The following SYNE2 variants were observed in gnomAD, a reference collection of about 807,000 sequenced individuals.
SYNE2 encodes spectrin repeat containing nuclear envelope protein 2, also known as nesprin-2.
Under a neutral mutation model 856.3 loss-of-function variants are expected in SYNE2, and 431 were observed. The ratio of observed to expected loss-of-function variants is 0.50; its 90% CI spans 0.47 to 0.55. The LOEUF (loss-of-function observed/expected upper bound fraction) is 0.55. Among genes scored for constraint, SYNE2 ranks in the 20% least tolerant of loss-of-function variants. The pLI is 0.00. For missense variants in SYNE2, 8,129 were observed against 8,023.2 expected, an observed-to-expected ratio of 1.01 and a Z score of -0.50; for synonymous variants, 2,923 against 2,872.3, an observed-to-expected ratio of 1.02 and a Z score of -0.56.
chr14:63,944,824 CTTTTTTTTTTTTTTT>C (rs55906748), intron 6 of SYNE2, among the ~76,000 whole-genome samples: 1 of 46,932 alleles, frequency 2.1e-5, no homozygotes, highest in Non-Finnish European at 3.6e-5. Context: ...GGGCTTAAAG[CTTTTTTTTTTTTTTT>C]TTTTTTTTTT....
Position 64,016,373 on chromosome 14 carries a change from G to C in SYNE2, c.4729-100G>C, listed in dbSNP as rs1176805788. ...ATGTAAGAAGGTATTATGCTTTGTT[G>C]GGTATTGTTTTTAAGCTCAATATCC... On this transcript the variant is annotated intron_variant, in intron 32 of 115. Transcript: ENST00000555002. 3 of 751,404 alleles carry C rather than the reference G, an allele frequency of 4.0e-6. No individual in the cohort carries two copies. In the East Asian group the frequency reaches 8.3e-5, roughly 21 times the overall value. 46.5% of individuals were successfully genotyped at this position (751,404 alleles called of 1,614,324 possible).
At chr14:64,215,177 T>C (rs2098660221) in intron 106 of SYNE2, 109 bp from the exon 107 acceptor site, 6 of 1,032,908 alleles carry the variant, frequency 5.8e-6, no homozygotes, top group Non-Finnish European at 9.1e-6. Flanking sequence ...ATTAAAAAAA[T>C]AAAGGGTAGT....
At chr14:63,793,896 G>T (rs906777475) in intron 1 of SYNE2, among the ~76,000 whole-genome samples, 3 of 151,626 alleles carry the variant, frequency 2.0e-5, no homozygotes, top group Non-Finnish European at 4.4e-5. Context: ...CCATGATCAT[G>T]CCACTGCACT....
rs944787012 is a variant in SYNE2, at chr14:63,954,821, G to C, written c.693G>C (p.Lys231Asn). Residue 231 changes from lysine (K) to asparagine (N), a missense_variant, in exon 8 of 116, where the codon AAG becomes AAC. This residue lies in a region of SYNE2 where 2,422 missense variants were observed against 2,357.4 expected (regional missense o/e 1.03). Coordinates refer to ENST00000555002, the MANE Select transcript of SYNE2 (RefSeq NM_182914.3). ...TGCGACCAGACCTAATTGACATGAAGAGTGTGAAGCATAGATCCAACAAAG... is the reference window on the plus strand; with the variant it reads ...TGCGACCAGACCTAATTGACATGAACAGTGTGAAGCATAGATCCAACAAAG... ...HALRPDLIDM[K>N]SVKHRSNKDN... 2.5e-6 allele frequency: 4 copies of C among 1,614,076 alleles called. No individual in the cohort carries two copies. Among genetic ancestry groups the C allele is most frequent in the Non-Finnish European group, 3.4e-6 (4 of 1,179,946 alleles).
chr14:63,998,531 TTTTG>T (rs1205564611), intron 26 of SYNE2, among the ~76,000 whole-genome samples: 4 of 152,230 alleles, frequency 2.6e-5, no homozygotes, highest in Non-Finnish European at 5.9e-5. Flanking sequence ...TTTCTTATTT[TTTTG>T]TTTGTTTTTT....
At chr14:63,973,982 C>G (rs1860946590) in intron 11 of SYNE2, among the ~76,000 whole-genome samples, 1 of 152,172 alleles carries the variant, frequency 6.6e-6, no homozygotes, top group Non-Finnish European at 1.5e-5. Flanking sequence ...GCAATCCCAG[C>G]AGTTTGGGAG....
At chr14:63,885,335 C>CTT (rs1455197725) in intron 1 of SYNE2, among the ~76,000 whole-genome samples, 3 of 151,652 alleles carry the variant, frequency 2.0e-5, no homozygotes, top group African/African-American at 7.3e-5. Flanking sequence ...CTCACTGTCT[C>CTT]TCTGTGAAGT....
At chr14:64,083,117 G>A (rs1420165964) in intron 57 of SYNE2, among the ~76,000 whole-genome samples, 2 of 152,128 alleles carry the variant, frequency 1.3e-5, no homozygotes, top group Non-Finnish European at 2.9e-5. Flanking sequence ...GTGTTCCTAA[G>A]TGAGCTGCTG....
At chr14:63,866,253 G>A (rs754011203) in intron 1 of SYNE2, among the ~76,000 whole-genome samples, 44 of 152,190 alleles carry the variant, frequency 2.9e-4, no homozygotes, top group Non-Finnish European at 5.9e-4. Context: ...AGGAACTTGA[G>A]ATGTCAGACT....
chr14:64,111,999 T>G (rs890055828), intron 65 of SYNE2, among the ~76,000 whole-genome samples: 1 of 152,130 alleles, frequency 6.6e-6, no homozygotes, highest in African/African-American at 2.4e-5. Flanking sequence ...AAACAGCACA[T>G]GTATGTGAAG....
intron 45 of SYNE2, among the ~76,000 whole-genome samples, chr14:64,045,980 T>C (rs983185805): frequency 6.6e-6 from 1 of 152,178 alleles, no homozygotes; most frequent in Non-Finnish European, 1.5e-5. Context: ...AATTTCTACC[T>C]TGTTGGGGAT....
chr14:64,221,433 G>A lies in SYNE2; in HGVS notation c.20062-143G>A, dbSNP rs1477466794. On this transcript the variant is annotated intron_variant, in intron 111 of 115. Transcript: ENST00000555002. ...CCTCATTTTGGGGCCCTGGCATTTA[G>A]TTTAAAGCTGGTCCTCGTATTCAGT... 1.1e-5 allele frequency: 17 copies of A among 1,497,136 alleles called. No individual in the cohort carries two copies. In the East Asian group the frequency reaches 3.4e-4, roughly 30 times the overall value. 92.7% of individuals were successfully genotyped at this position (1,497,136 alleles called of 1,614,324 possible).
chr14:64,114,290 A>G (rs1180412801), intron 66 of SYNE2, among the ~76,000 whole-genome samples: 1 of 152,188 alleles, frequency 6.6e-6, no homozygotes, highest in Admixed American at 6.5e-5. Flanking sequence ...TTGCAACAGC[A>G]TAATCGAGTG....
intron 3 of SYNE2, 48 bp from the exon 4 acceptor site, chr14:63,941,647 T>C (rs1014115199): frequency 6.6e-6 from 10 of 1,525,234 alleles, no homozygotes; most frequent in Non-Finnish European, 9.1e-6. Context: ...AAAGGTATTC[T>C]TTTTGGACCA....
intron 99 of SYNE2, among the ~76,000 whole-genome samples, chr14:64,194,852 G>A (rs1462382080): frequency 6.6e-6 from 1 of 152,172 alleles, no homozygotes; most frequent in African/African-American, 2.4e-5. Flanking sequence ...CCCCTCAATA[G>A]GACTGATGCC....
At chr14:64,194,347 C>T (rs1326377735) in intron 99 of SYNE2, among the ~76,000 whole-genome samples, 1 of 151,620 alleles carries the variant, frequency 6.6e-6, no homozygotes, top group African/African-American at 2.4e-5. Context: ...GGCTGGAATA[C>T]AGTGGCACAG....
rs75750198 is a variant in SYNE2, at chr14:64,122,655, G to A, written c.13422+228G>A. 9.8e-3 allele frequency: 6,194 copies of A among 630,310 alleles called. 50 individuals carry two copies. The highest frequency in any genetic ancestry group is 0.018 in the South Asian group (939 of 51,832). 39.0% of individuals were successfully genotyped at this position (630,310 alleles called of 1,614,324 possible). ...GAGCTGTTATTTATAACAACTATCC[G>A]CCTGTTTGTTTATAGTCTGTATTCC... is the stretch of plus-strand genomic sequence containing the variant. On this transcript the variant is annotated intron_variant, in intron 70 of 115. Transcript: ENST00000555002.
chr14:64,214,634 G>T, intron 106 of SYNE2, 164 bp downstream of exon 106: 1 of 674,064 alleles, frequency 1.5e-6, no homozygotes, highest in Non-Finnish European at 2.5e-6. Flanking sequence ...ACTTACCTGA[G>T]AATTGGCTCA....
chr14:64,209,666 C>T, intron 102 of SYNE2, 88 bp downstream of exon 102: 2 of 1,567,770 alleles, frequency 1.3e-6, no homozygotes, highest in Non-Finnish European at 8.7e-7. Flanking sequence ...TCTAAGTAGC[C>T]AGCTTCCCCT....
Sources: gnomAD v4.1 joint callset for allele counts (sites outside exome capture counted in the v4.1 genomes callset) on GRCh38, gnomAD v4.1.1 for gene constraint, gnomAD v4.1.1 regional missense constraint, MANE v1.5 for transcripts, NCBI Gene and HGNC (gene_info 2026-07-23, HGNC 2026-07-21) for gene names.